ABCB10: variants seen among roughly 807,000 people sequenced by gnomAD.
ABCB10 encodes the protein ATP binding cassette subfamily B member 10.
A neutral mutation model predicts 65.4 loss-of-function variants in ABCB10; 54 were observed. The ratio of observed to expected loss-of-function variants is 0.83; its 90% confidence interval spans 0.66 to 1.04. ABCB10 has a LOEUF of 1.04. Among genes scored for constraint, ABCB10 ranks in the 50% least tolerant of loss-of-function variants. The pLI is 0.00. For missense variants in ABCB10, 846 were observed against 976.6 expected (o/e 0.87, Z 1.78); for synonymous variants, 418 against 406.5 (o/e 1.03, Z -0.34).
At chr1:229,549,141 G>A in intron 2 of ABCB10, 93 bp downstream of exon 2, 1 of 1,343,720 alleles carries the variant, frequency 7.4e-7, no homozygotes, top group East Asian at 2.3e-5. Context: ...AGAGAATGGA[G>A]CCTGGAGCAC....
At chr1:229,549,111 G>T in intron 2 of ABCB10, 123 bp downstream of exon 2, 1 of 1,012,712 alleles carries the variant, frequency 9.9e-7, no homozygotes, top group South Asian at 1.5e-5. Context: ...CCCACTTAAT[G>T]GGATGCCAGG....
At chr1:229,557,298 T>C (rs942319098) in intron 1 of ABCB10, among the ~76,000 whole-genome samples, 1 of 152,192 alleles carries the variant, frequency 6.6e-6, no homozygotes, top group African/African-American at 2.4e-5. Flanking sequence ...GAATATTTCA[T>C]AGATGCTTCT....
rs1227714858 is a variant in ABCB10, at chr1:229,518,195, CTT to C, written c.2199_2200del (p.Ser734PhefsTer17). ...ATTGCTTCCTTATGCTGAAATAAAA[CTT>C]TGTTTGTTCATTAGTTTTCTGTATA... On this transcript the variant is annotated frameshift_variant, in exon 13 of 13. Transcript: ENST00000344517. LOFTEE classifies it high-confidence loss of function. 1 of 1,613,470 alleles carries C rather than the reference CTT, an allele frequency of 6.2e-7. No homozygotes were observed. The highest frequency in any genetic ancestry group is 8.5e-7 in the Non-Finnish European group (1 of 1,179,650).
chr1:229,517,911 A>T lies in ABCB10; in HGVS notation c.*268T>A. The T allele has an allele frequency of 2.8e-6, 1 of 353,324 alleles. No homozygotes were observed. Among genetic ancestry groups the T allele is most frequent in the Non-Finnish European group, 5.1e-6 (1 of 195,074 alleles). 21.9% of individuals were successfully genotyped at this position (353,324 alleles called of 1,614,324 possible). ...GAAAATGAGGTGCCATGCTATATTA[A>T]TTAAAATATTCCACAAGAAAAGAAA... On this transcript the variant is annotated 3_prime_UTR_variant, in exon 13 of 13. Transcript: ENST00000344517.
chr1:229,558,451 A>G lies in ABCB10; in HGVS notation c.202T>C (p.Trp68Arg). 3 of 1,221,358 alleles carry G rather than the reference A, an allele frequency of 2.5e-6. No homozygotes were observed. In the African/African-American group the frequency reaches 4.8e-5, roughly 20 times the overall value. 75.7% of individuals were successfully genotyped at this position (1,221,358 alleles called of 1,614,324 possible). ...LLWGVGAARR[W>R]RSGCRGGGPG... ...CCCCCGCCCCGGCAGCCGCTCCTCC[A>G]GCGGCGCGCGGCTCCAACGCCCCAG... The change falls in exon 1 of 13, where the codon TGG becomes CGG. Residue 68 changes from tryptophan to arginine, a missense_variant. Around this residue, in one of 2 missense-constraint regions of ABCB10, gnomAD observed 214 missense variants for 173.5 expected, o/e 1.23. Coordinates refer to ENST00000344517, the MANE Select transcript of ABCB10 (RefSeq NM_012089.3).
chr1:229,536,874 T>C (rs1662732956), intron 6 of ABCB10, among the ~76,000 whole-genome samples: 1 of 151,850 alleles, frequency 6.6e-6, no homozygotes, highest in African/African-American at 2.4e-5. Flanking sequence ...AGAGGACTGC[T>C]TGAGCCCAGG....
intron 1 of ABCB10, among the ~76,000 whole-genome samples, chr1:229,551,389 AT>A (rs1663111832): frequency 6.6e-6 from 1 of 152,170 alleles, no homozygotes; most frequent in Non-Finnish European, 1.5e-5. Context: ...TTCTCTCTCC[AT>A]TAGGACATAA....
intron 6 of ABCB10, among the ~76,000 whole-genome samples, chr1:229,538,340 G>A (rs762540423): frequency 3.3e-5 from 5 of 152,160 alleles, no homozygotes; most frequent in Non-Finnish European, 5.9e-5. Context: ...ATTAAGATGA[G>A]GGGAGGCCAG....
chr1:229,554,232 G>A (rs1338578604), intron 1 of ABCB10, among the ~76,000 whole-genome samples: 2 of 152,160 alleles, frequency 1.3e-5, no homozygotes, highest in Non-Finnish European at 2.9e-5. Context: ...GCTGGGTAGA[G>A]AATGAGTGAG....
At chr1:229,553,841 T>C (rs1663177632) in intron 1 of ABCB10, among the ~76,000 whole-genome samples, 1 of 152,066 alleles carries the variant, frequency 6.6e-6, no homozygotes, top group South Asian at 2.1e-4. Context: ...CTGTGCCCAG[T>C]TTCCTCATTT....
chr1:229,526,576 C>T (rs1419620659), intron 9 of ABCB10, among the ~76,000 whole-genome samples: 1 of 152,238 alleles, frequency 6.6e-6, no homozygotes, highest in Admixed American at 6.5e-5. Context: ...CACTCCTGAG[C>T]ACCCATCACC....
At chr1:229,532,584 TAA>T (rs112544536) in intron 6 of ABCB10, among the ~76,000 whole-genome samples, 7 of 143,400 alleles carry the variant, frequency 4.9e-5, no homozygotes, top group Admixed American at 1.4e-4. Context: ...ATGCTATGTT[TAA>T]AAAAAAAAAA....
chr1:229,537,939 A>G (rs1662757842), intron 6 of ABCB10, among the ~76,000 whole-genome samples: 1 of 152,258 alleles, frequency 6.6e-6, no homozygotes, highest in Admixed American at 6.5e-5. Context: ...CATCTATGTT[A>G]TAAATGTGGA....
intron 3 of ABCB10, among the ~76,000 whole-genome samples, chr1:229,546,127 G>C (rs905553255): frequency 1.5e-4 from 23 of 149,440 alleles, no homozygotes; most frequent in South Asian, 1.1e-3. Context: ...AGCCAAGATC[G>C]TGCCATTGCA....
chr1:229,551,531 T>A (rs1047223749), intron 1 of ABCB10, among the ~76,000 whole-genome samples: 3 of 152,186 alleles, frequency 2.0e-5, no homozygotes, highest in African/African-American at 7.2e-5. Flanking sequence ...GTCTATCAGA[T>A]CAAAATTCTT....
chr1:229,553,701 G>A (rs1447856053), intron 1 of ABCB10, among the ~76,000 whole-genome samples: 5 of 151,344 alleles, frequency 3.3e-5, no homozygotes, highest in East Asian at 2.0e-4. Context: ...GAGTTGGTCA[G>A]CATTGGGTCG....
At chr1:229,523,038 GTTCT>G (rs955311491) in intron 10 of ABCB10, among the ~76,000 whole-genome samples, 5 of 152,064 alleles carry the variant, frequency 3.3e-5, no homozygotes, top group Admixed American at 3.3e-4. Context: ...TCTTTATGAT[GTTCT>G]TTTTTTCCCC....
intron 6 of ABCB10, among the ~76,000 whole-genome samples, chr1:229,532,102 G>A (rs189110885): frequency 4.6e-5 from 7 of 152,128 alleles, no homozygotes; most frequent in Admixed American, 4.6e-4. Flanking sequence ...ACAGGCGCAA[G>A]CCACCAGGCC....
At chr1:229,539,904 A>G (rs1662804294) in intron 5 of ABCB10, among the ~76,000 whole-genome samples, 1 of 152,202 alleles carries the variant, frequency 6.6e-6, no homozygotes, top group Non-Finnish European at 1.5e-5. Flanking sequence ...ACAAATAAAT[A>G]TCTACTGTAT....
Sources: allele counts gnomAD v4.1 joint callset (sites outside exome capture counted in the v4.1 genomes callset), GRCh38; gene constraint gnomAD v4.1.1; regional missense constraint gnomAD v4.1.1; transcripts MANE v1.5; gene names NCBI Gene and HGNC (gene_info 2026-07-23, HGNC 2026-07-21).